The following GYS2 variants were observed in gnomAD, a reference collection of about 807,000 sequenced individuals.
GYS2 encodes the protein glycogen [starch] synthase, liver.
GYS2 carries 80 observed loss-of-function variants against 85.6 expected under a neutral mutation model. The ratio of observed to expected loss-of-function variants is 0.93; its 90% CI spans 0.78 to 1.13. The LOEUF is 1.13. Ranked by LOEUF, GYS2 falls within the 50% of genes most tolerant of loss-of-function variation. GYS2 has a pLI of 0.00. For missense variants in GYS2, 881 were observed against 854.9 expected (o/e 1.03, Z -0.38); for synonymous variants, 328 against 300.7 (o/e 1.09, Z -0.94).
intron 14 of GYS2, among the ~76,000 whole-genome samples, chr12:21,539,651 G>A (rs1943949700): frequency 6.6e-6 from 1 of 152,138 alleles, no homozygotes; most frequent in Admixed American, 6.5e-5. Flanking sequence ...GTGTGGCATG[G>A]AGAAAAGATA....
intron 11 of GYS2, among the ~76,000 whole-genome samples, chr12:21,550,825 C>A (rs1456036217): frequency 4.6e-5 from 7 of 151,998 alleles, no homozygotes; most frequent in African/African-American, 1.7e-4. Flanking sequence ...CCTGTAGTCC[C>A]AGCTACTCAG....
In GYS2 at chr12:21,558,301, G is replaced by T; in HGVS notation, c.1321C>A (p.Pro441Thr). Reference protein sequence around the residue: ...AIFSTQRQSLPPVTTHNMIDD... With the variant: ...AIFSTQRQSLTPVTTHNMIDD... The stretch of plus-strand genomic sequence containing the variant: ...ATCATGTTGTGCGTGGTCACTGGGG[G>T]CAATGACTGTCGCTGAAGTATGAGA... The change falls in exon 11 of 16, where the codon CCC becomes ACC. Residue 441 changes from proline to threonine, a missense_variant. By Grantham distance (38) the Pro-to-Thr change is conservative (BLOSUM62 -1). Transcript: ENST00000261195. The T allele has an allele frequency of 6.2e-7, 1 of 1,607,018 alleles. No homozygotes were observed. The highest frequency in any genetic ancestry group is 8.5e-7 in the Non-Finnish European group (1 of 1,173,608).
intron 1 of GYS2, among the ~76,000 whole-genome samples, chr12:21,589,294 T>C (rs1019415434): frequency 4.6e-5 from 7 of 152,178 alleles, no homozygotes; most frequent in Non-Finnish European, 8.8e-5. Context: ...GGAAATGAAA[T>C]GAAAAGAAAA....
chr12:21,575,355 T>C (rs1944432833), intron 3 of GYS2, among the ~76,000 whole-genome samples: 1 of 152,118 alleles, frequency 6.6e-6, no homozygotes, highest in Admixed American at 6.6e-5. Flanking sequence ...ATATTAACAT[T>C]CACACTGACT....
chr12:21,561,547 T>G (rs1944253346), intron 7 of GYS2, among the ~76,000 whole-genome samples: 1 of 152,212 alleles, frequency 6.6e-6, no homozygotes, highest in African/African-American at 2.4e-5. Context: ...TTCTTTTAAC[T>G]TCTCCAAGTA....
At chr12:21,547,329 A>T (rs1375478887) in intron 11 of GYS2, among the ~76,000 whole-genome samples, 1 of 152,220 alleles carries the variant, frequency 6.6e-6, no homozygotes. Flanking sequence ...AGATGTTTAT[A>T]ACAACTTTAT....
chr12:21,542,101 G>A (rs778604610), intron 13 of GYS2, among the ~76,000 whole-genome samples: 4 of 151,910 alleles, frequency 2.6e-5, no homozygotes, highest in African/African-American at 9.7e-5. Context: ...AGGCAGGTGT[G>A]CAGTGGCACG....
chr12:21,535,906 G>C (rs1244835192), downstream of GYS2, among the ~76,000 whole-genome samples: 1 of 152,142 alleles, frequency 6.6e-6, no homozygotes, highest in African/African-American at 2.4e-5. Context: ...ACATAAATCG[G>C]CTAAATTAAT....
In GYS2 at chr12:21,540,476, T is replaced by C; in HGVS notation, c.1743A>G (p.Gln581=). The C allele has an allele frequency of 2.5e-6, 4 of 1,614,060 alleles. No individual in the cohort carries two copies. Among genetic ancestry groups the C allele is most frequent in the South Asian group, 1.1e-5 (1 of 91,070 alleles). ...LYGFCKQSRR[Q]RIIQRNRTER... The stretch of plus-strand genomic sequence containing the variant: ...CAGTTCTGTTCCTCTGGATAATCCT[T>C]TGGCGGCGTGACTGTTTGCAAAATC... The change falls in exon 14 of 16, where the codon CAA becomes CAG. Residue 581 remains glutamine (Q), a synonymous_variant. Transcript: ENST00000261195.
chr12:21,537,379 C>T, intron 15 of GYS2: 1 of 599,652 alleles, frequency 1.7e-6, no homozygotes, highest in South Asian at 2.0e-5. Context: ...TTATTAAGTA[C>T]TGAAATGTGC....
chr12:21,562,843 C>CA (rs1385802835), intron 7 of GYS2, 75 bp downstream of exon 7: 42 of 1,556,978 alleles, frequency 2.7e-5, no homozygotes, highest in Non-Finnish European at 3.6e-5. Flanking sequence ...TTTAAGAAGC[C>CA]AAAAAATTCT....
intron 3 of GYS2, among the ~76,000 whole-genome samples, chr12:21,574,662 A>G (rs1468027896): frequency 6.6e-6 from 1 of 152,178 alleles, no homozygotes; most frequent in Non-Finnish European, 1.5e-5. Flanking sequence ...TTATTTAAGA[A>G]TAAATAAATT....
chr12:21,532,615 A>T (rs1393884711), downstream of GYS2: 1 of 152,206 alleles, frequency 6.6e-6, no homozygotes, highest in Non-Finnish European at 1.5e-5. Flanking sequence ...TTTTTCCAAA[A>T]GCATTGTCTT....
At chr12:21,538,693 G>C (rs1943937859) in intron 15 of GYS2, among the ~76,000 whole-genome samples, 1 of 152,142 alleles carries the variant, frequency 6.6e-6, no homozygotes, top group Non-Finnish European at 1.5e-5. Flanking sequence ...AAAGAGAAAT[G>C]CCTGACGCTC....
chr12:21,554,127 G>A (rs944912273), intron 11 of GYS2, among the ~76,000 whole-genome samples: 2 of 151,428 alleles, frequency 1.3e-5, no homozygotes, highest in African/African-American at 4.9e-5. Context: ...AAGAATGGAA[G>A]GAAGGAAGGA....
chr12:21,562,374 G>A (rs978244062), intron 7 of GYS2, among the ~76,000 whole-genome samples: 27 of 152,080 alleles, frequency 1.8e-4, no homozygotes, highest in Non-Finnish European at 1.2e-4. Flanking sequence ...TATGTGGCAC[G>A]TGCTACTCTG....
At position 21,542,513 on chromosome 12, in the gene GYS2, G is replaced by A; in HGVS notation, c.1628C>T (p.Ala543Val). The change falls in exon 13 of 16, where the codon GCT becomes GTT. Residue 543 changes from alanine (A) to valine (V), a missense_variant. By Grantham distance (64) the Ala-to-Val change is moderately conservative. Coordinates refer to ENST00000261195, the MANE Select transcript of GYS2 (RefSeq NM_021957.4). ...GFGCFMQEHV[A>V]DPTAYGIYIV... The stretch of plus-strand genomic sequence containing the variant: ...ACCCTCACCGTAAGCAGTAGGATCA[G>A]CCACGTGCTCCTGCATGAAACAGCC... 1 of 1,609,720 alleles carries A rather than the reference G, an allele frequency of 6.2e-7. No homozygotes were observed. Among genetic ancestry groups the A allele is most frequent in the Non-Finnish European group, 8.5e-7 (1 of 1,175,938 alleles).
chr12:21,542,669 C>T, intron 12 of GYS2, 78 bp from the exon 13 acceptor site: 1 of 842,058 alleles, frequency 1.2e-6, no homozygotes, highest in Non-Finnish European at 2.0e-6. Context: ...AGGAAAAGGC[C>T]CTAGTCCTCC....
intron 2 of GYS2, among the ~76,000 whole-genome samples, chr12:21,579,199 T>C (rs1340304155): frequency 6.6e-6 from 1 of 152,142 alleles, no homozygotes; most frequent in African/African-American, 2.4e-5. Context: ...GTTGGAGCTG[T>C]AACAAATTAC....
Sources: allele counts gnomAD v4.1 joint callset (sites outside exome capture counted in the v4.1 genomes callset), GRCh38; gene constraint gnomAD v4.1.1; transcripts MANE v1.5; gene names NCBI Gene and HGNC (gene_info 2026-07-23, HGNC 2026-07-21).